NISCH: variants seen among roughly 807,000 people sequenced by gnomAD.
The protein encoded by NISCH is I-1 receptor candidate protein.
In NISCH, 55 loss-of-function variants were observed where a neutral mutation model predicts 138.4. The observed-to-expected ratio is 0.40, with a 90% CI of 0.32 to 0.50. NISCH has a LOEUF of 0.50. NISCH is among the 20% of genes least tolerant of loss of function. NISCH has a pLI of 0.71. For synonymous variants in NISCH, 860 were observed against 861.5 expected, an observed-to-expected ratio of 1.00 and a Z score of 0.03; for missense variants, 1,643 against 2,005.5, an observed-to-expected ratio of 0.82 and a Z score of 3.45.
chr3:52,473,894 C>T (rs1012251375), intron 7 of NISCH, 65 bp downstream of exon 7: 2 of 1,084,904 alleles, frequency 1.8e-6, no homozygotes, highest in Non-Finnish European at 2.8e-6. Context: ...CTGTGGTCTC[C>T]ACCACTAAGG....
chr3:52,489,876 C>G (rs912348905), intron 17 of NISCH, 198 bp downstream of exon 17: 4 of 1,184,456 alleles, frequency 3.4e-6, no homozygotes, highest in Non-Finnish European at 4.6e-6. Context: ...TCACCACCTC[C>G]TGTGCCACTT....
At chr3:52,481,455 G>T (rs1337400791) in intron 13 of NISCH, 1 of 985,628 alleles carries the variant, frequency 1.0e-6, no homozygotes, top group Non-Finnish European at 1.2e-6. Context: ...AGGATTTCTG[G>T]TTGCATTTTA....
At position 52,492,323 on chromosome 3, in the gene NISCH, G is replaced by A. The variant is rs1341651976; in HGVS notation, c.4356G>A (p.Gly1452=). The change falls in exon 21 of 21, where the codon GGG becomes GGA. Residue 1452 remains glycine, a synonymous_variant. Coordinates refer to ENST00000345716, the MANE Select transcript of NISCH (RefSeq NM_007184.4). ...GCAGTGTCACCCTGGACCACTTTGG[G>A]GAGGTGCCAGGTGGCCCGGCTAGAG... The part of the protein sequence containing the change: ...LMGSVTLDHF[G]EVPGGPARAS... 1.9e-6 allele frequency: 3 copies of A among 1,613,340 alleles called. No homozygotes were observed. The highest frequency in any genetic ancestry group is 2.5e-6 in the Non-Finnish European group (3 of 1,180,046).
intron 3 of NISCH, among the ~76,000 whole-genome samples, chr3:52,461,760 G>C (rs975193765): frequency 6.6e-6 from 1 of 151,954 alleles, no homozygotes; most frequent in Non-Finnish European, 1.5e-5. Flanking sequence ...CTACTCGGGA[G>C]GCTGAGGCAG....
In NISCH at chr3:52,478,536, C is replaced by G; in HGVS notation, c.1261C>G (p.Arg421Gly). Residue 421 changes from arginine (R) to glycine (G), a missense_variant, in exon 11 of 21, where the codon CGG becomes GGG. By Grantham distance (125) the Arg-to-Gly change is moderately radical. Coordinates refer to ENST00000345716, the MANE Select transcript of NISCH (RefSeq NM_007184.4). ...CCCTCTGAGCATCATCCCCGACTAC[C>G]GGACCAAGGTGCTGGCTCAGTTCGG... ...NNPLSIIPDY[R>G]TKVLAQFGER... 1.2e-6 allele frequency: 2 copies of G among 1,614,186 alleles called. No individual in the cohort carries two copies. The highest frequency in any genetic ancestry group is 1.7e-6 in the Non-Finnish European group (2 of 1,180,034).
intron 3 of NISCH, among the ~76,000 whole-genome samples, chr3:52,463,866 G>T (rs1351178384): frequency 6.6e-6 from 1 of 151,404 alleles, no homozygotes; most frequent in Non-Finnish European, 1.5e-5. Context: ...TGGGACTACA[G>T]GCGTGCACCA....
rs770119368 is a variant in NISCH at position 52,488,615 on chromosome 3, A to G, written c.3113+10A>G. On this transcript the variant is annotated intron_variant, in intron 16 of 20. Coordinates refer to ENST00000345716, the MANE Select transcript of NISCH (RefSeq NM_007184.4). ...CCGAGCGCAGGGCCAGGTGAGATCA[A>G]GCACAGCTCTCAGGGGCCCCGGGGG... 1.3e-5 allele frequency: 21 copies of G among 1,598,504 alleles called. No homozygotes were observed. Among genetic ancestry groups the G allele is most frequent in the Non-Finnish European group, 1.8e-5 (21 of 1,170,672 alleles).
At chr3:52,470,974 A>G in intron 4 of NISCH, 67 bp downstream of exon 4, 1 of 1,544,530 alleles carries the variant, frequency 6.5e-7, no homozygotes, top group Admixed American at 1.7e-5. Flanking sequence ...GGCCAGAGGC[A>G]CAGGATGGCA....
At chr3:52,470,808 G>C in intron 3 of NISCH, 51 bp from the exon 4 acceptor site, 2 of 1,528,322 alleles carry the variant, frequency 1.3e-6, no homozygotes, top group Non-Finnish European at 1.8e-6. Context: ...TGTGACCCCA[G>C]GGACTGGGGT....
rs1275036983 is a variant in NISCH, at chr3:52,488,610, G to A, written c.3113+5G>A. The A allele has an allele frequency of 5.0e-6, 8 of 1,601,768 alleles. No individual in the cohort carries two copies. The highest frequency in any genetic ancestry group is 6.8e-6 in the Non-Finnish European group (8 of 1,172,920). ...GCCTGCCGAGCGCAGGGCCAGGTGA[G>A]ATCAAGCACAGCTCTCAGGGGCCCC... On this transcript the variant is annotated splice_donor_5th_base_variant and intron_variant, in intron 16 of 20. Transcript: ENST00000345716.
chr3:52,466,742 T>C (rs946717098), intron 3 of NISCH, among the ~76,000 whole-genome samples: 1 of 151,966 alleles, frequency 6.6e-6, no homozygotes, highest in African/African-American at 2.4e-5. Context: ...GGGGTTTGCA[T>C]TGAGTGTAGG....
At chr3:52,484,051 G>A (rs912710212) in intron 13 of NISCH, among the ~76,000 whole-genome samples, 2 of 152,320 alleles carry the variant, frequency 1.3e-5, no homozygotes, top group South Asian at 2.1e-4. Flanking sequence ...GTTCTTCTGC[G>A]GAATGTCTGT....
intron 13 of NISCH, chr3:52,480,983 C>T (rs902154983): frequency 1.4e-5 from 20 of 1,456,108 alleles, no homozygotes; most frequent in Non-Finnish European, 1.6e-5. Flanking sequence ...AGCCGAGGCT[C>T]GGGACACGCA....
chr3:52,489,093 G>A (rs1253298539), intron 16 of NISCH, among the ~76,000 whole-genome samples: 1 of 152,172 alleles, frequency 6.6e-6, no homozygotes, highest in African/African-American at 2.4e-5. Context: ...TGTTGTTCAG[G>A]CTGGTCTCAA....
chr3:52,488,521 CTG>C lies in NISCH; in HGVS notation c.3032_3033del (p.Val1011GlyfsTer29), dbSNP rs776839813. ...CGGGCCTCGCTGCAGGACCTGAAGA[CTG>C]TGGTCATCGCCAAGACCCCCGGGAC... On this transcript the variant is annotated frameshift_variant, in exon 16 of 21. Transcript: ENST00000345716. LOFTEE classifies it high-confidence loss of function. The C allele has an allele frequency of 2.5e-6, 4 of 1,613,212 alleles. No individual in the cohort carries two copies. Among genetic ancestry groups the C allele is most frequent in the East Asian group, 2.2e-5 (1 of 44,880 alleles).
intron 3 of NISCH, among the ~76,000 whole-genome samples, chr3:52,470,169 G>A: frequency 6.6e-6 from 1 of 152,076 alleles, no homozygotes; most frequent in Non-Finnish European, 1.5e-5. Context: ...AGTGGCTCAG[G>A]GCATGACCCA....
At position 52,492,742 on chromosome 3, in the gene NISCH, T is replaced by G; in HGVS notation, c.*260T>G. 1.9e-6 allele frequency: 1 copy of G among 515,484 alleles called. No homozygotes were observed. Among genetic ancestry groups the G allele is most frequent in the East Asian group, 3.1e-5 (1 of 32,644 alleles). The allele number at this position is 515,484 out of a possible 1,614,324, so 31.9% of individuals were successfully genotyped here. On this transcript the variant is annotated 3_prime_UTR_variant, in exon 21 of 21. Transcript: ENST00000345716. ...GTGCACACCAGTGTCGTGTCTGCTG[T>G]TGTGGGACCGTTGTTAACACGTGAC...
chr3:52,492,769 C>T lies in NISCH; in HGVS notation c.*287C>T. 1 of 448,736 alleles carries T rather than the reference C, an allele frequency of 2.2e-6. No individual in the cohort carries two copies. Among genetic ancestry groups the T allele is most frequent in the Non-Finnish European group, 4.0e-6 (1 of 251,762 alleles). The allele number at this position is 448,736 out of a possible 1,614,324, so 27.8% of individuals were successfully genotyped here. A position where few individuals can be genotyped will look rare whatever the true frequency, so the allele number is the denominator to read the frequency against. ...GTGGGACCGTTGTTAACACGTGACA[C>T]TGTGGGTCTGACTTTCTCTTCTACA... On this transcript the variant is annotated 3_prime_UTR_variant, in exon 21 of 21. Coordinates refer to ENST00000345716, the MANE Select transcript of NISCH (RefSeq NM_007184.4).
chr3:52,458,893 C>T (rs1051371943), intron 3 of NISCH, 49 bp downstream of exon 3: 1 of 1,519,936 alleles, frequency 6.6e-7, no homozygotes, highest in Admixed American at 2.1e-5. Flanking sequence ...CCACAACTGC[C>T]AAACTTGAGG....
Sources: allele counts gnomAD v4.1 joint callset (sites outside exome capture counted in the v4.1 genomes callset), GRCh38; gene constraint gnomAD v4.1.1; transcripts MANE v1.5; gene names NCBI Gene and HGNC (gene_info 2026-07-23, HGNC 2026-07-21).